Variants in RASGRF2 observed in about 807,000 individuals in gnomAD.
RASGRF2 encodes the protein Ras protein specific guanine nucleotide releasing factor 2.
RASGRF2 carries 76 observed loss-of-function variants against 151.0 expected under a neutral mutation model. The ratio of observed to expected loss-of-function variants is 0.50; its 90% confidence interval spans 0.42 to 0.61. The LOEUF (loss-of-function observed/expected upper bound fraction) is 0.61, where lower values mean the gene tolerates loss of function less well. Among genes scored for constraint, RASGRF2 ranks in the 20% least tolerant of loss-of-function variants. RASGRF2 has a pLI of 0.00. For missense variants in RASGRF2, 1,148 were observed against 1,564.6 expected (o/e 0.73, Z 4.49); for synonymous variants, 504 against 566.5 (o/e 0.89, Z 1.57).
intron 17 of RASGRF2, among the ~76,000 whole-genome samples, chr5:81,129,319 G>A (rs1753553991): frequency 6.6e-6 from 1 of 151,826 alleles, no homozygotes; most frequent in Admixed American, 6.6e-5. Context: ...CAAAGCTTCT[G>A]AACCAATATT....
At chr5:81,201,222 A>G (rs1278723948) in intron 18 of RASGRF2, 108 bp from the exon 19 acceptor site, 1 of 1,462,138 alleles carries the variant, frequency 6.8e-7, no homozygotes, top group African/African-American at 1.4e-5. Context: ...CATACATTTT[A>G]ATTTCCATAC....
intron 1 of RASGRF2, among the ~76,000 whole-genome samples, chr5:80,979,895 C>T (rs1203614624): frequency 1.3e-5 from 2 of 152,150 alleles, no homozygotes. Flanking sequence ...ACCAGCTAAC[C>T]TTTACCCTGG....
intron 2 of RASGRF2, among the ~76,000 whole-genome samples, chr5:81,044,076 T>A (rs1750760341): frequency 6.6e-6 from 1 of 152,200 alleles, no homozygotes. Flanking sequence ...AGCGCATTGC[T>A]AATTATGTAG....
At position 81,073,714 on chromosome 5, in the gene RASGRF2, G is replaced by A. The variant is rs62367444; in HGVS notation, c.887+262G>A. 5.7e-3 allele frequency among the ~76,000 whole-genome samples: 875 copies of A among 152,252 alleles called. 2 individuals carry two copies. Among genetic ancestry groups the A allele is most frequent in the Non-Finnish European group, 6.9e-3 (471 of 68,024 alleles). On this transcript the variant is annotated intron_variant, in intron 5 of 26. Coordinates refer to ENST00000265080, the MANE Select transcript of RASGRF2 (RefSeq NM_006909.3). ...GCTCACTGCCAGCTCCGCCTCCCGGGTTCACGCCATCCTCCTGCCTCAGCC... is the reference window on the plus strand; with the variant it reads ...GCTCACTGCCAGCTCCGCCTCCCGGATTCACGCCATCCTCCTGCCTCAGCC...
rs190990889 is a variant in RASGRF2 at position 81,109,907 on chromosome 5, A to G, written c.1838+829A>G. ...GTATCTTGGACTGTAAAGATTTTCT[A>G]TTAAATCCAACATATCTATAGTACA... On this transcript the variant is annotated intron_variant, in intron 13 of 26. Coordinates refer to ENST00000265080, the MANE Select transcript of RASGRF2 (RefSeq NM_006909.3). Among the ~76,000 whole-genome samples, 8 of 152,356 alleles carry G rather than the reference A, an allele frequency of 5.3e-5. No homozygotes were observed. In the East Asian group the frequency reaches 1.4e-3, roughly 26 times the overall value.
intron 17 of RASGRF2, among the ~76,000 whole-genome samples, chr5:81,169,835 TCACTTGCATCACCTGC>T (rs1754603953): frequency 1.7e-5 from 1 of 59,490 alleles, no homozygotes; most frequent in Admixed American, 2.0e-4. Context: ...ATCACCTGCA[TCACTTGCATCACCTGC>T]ACCACCTGTA....
Position 80,987,030 on chromosome 5 carries a change from T to C in RASGRF2, c.288+26004T>C, listed in dbSNP as rs1561539701. ...TAACAGGCTGTGTGCATTGCTGTTTTCTTTGCTTGAAATGCTCTCCAGCTT... is the reference window on the plus strand; with the variant it reads ...TAACAGGCTGTGTGCATTGCTGTTTCCTTTGCTTGAAATGCTCTCCAGCTT... On this transcript the variant is annotated intron_variant, in intron 1 of 26. Coordinates refer to ENST00000265080, the MANE Select transcript of RASGRF2 (RefSeq NM_006909.3). Among the ~76,000 whole-genome samples, 4 of 152,202 alleles carry C rather than the reference T, an allele frequency of 2.6e-5. No individual in the cohort carries two copies. In the South Asian group the frequency reaches 8.3e-4, roughly 31 times the overall value.
chr5:80,960,632 C>T lies in RASGRF2; in HGVS notation c.-107C>T. On this transcript the variant is annotated 5_prime_UTR_variant, in exon 1 of 27. Coordinates refer to ENST00000265080, the MANE Select transcript of RASGRF2 (RefSeq NM_006909.3). The surrounding 1 kb of genome is among the most constrained non-coding windows in gnomAD (Gnocchi z 5.5). ...CGGCGTGGGGAAAGGGGGCGCCCTT[C>T]GCCGGCCGGGACCTGAGCGGTCGCG... 1 of 1,091,716 alleles carries T rather than the reference C, an allele frequency of 9.2e-7. No individual in the cohort carries two copies. Among genetic ancestry groups the T allele is most frequent in the Non-Finnish European group, 1.2e-6 (1 of 858,292 alleles). The allele number at this position is 1,091,716 out of a possible 1,614,324, so 67.6% of individuals were successfully genotyped here.
chr5:81,057,071 G>GT (rs1468593955), intron 2 of RASGRF2, among the ~76,000 whole-genome samples: 1 of 152,040 alleles, frequency 6.6e-6, no homozygotes, highest in Non-Finnish European at 1.5e-5. Flanking sequence ...ACTGATGCGT[G>GT]TTGACTCTAT....
intron 9 of RASGRF2, chr5:81,088,038 AG>A (rs1398597509): frequency 6.6e-6 from 1 of 152,258 alleles, no homozygotes; most frequent in African/African-American, 2.4e-5. Flanking sequence ...AGTGTATTTT[AG>A]GAAATGATTC....
intron 9 of RASGRF2, among the ~76,000 whole-genome samples, chr5:81,091,444 G>A (rs916848844): frequency 6.6e-6 from 1 of 152,058 alleles, no homozygotes; most frequent in Non-Finnish European, 1.5e-5. Context: ...CCCTCACCCA[G>A]GACTTCTTCC....
chr5:81,216,021 T>A (rs1030649347), intron 24 of RASGRF2, 66 bp downstream of exon 24: 14 of 1,319,780 alleles, frequency 1.1e-5, no homozygotes, highest in Non-Finnish European at 9.8e-7. Context: ...GTATATAGTA[T>A]ACAAACAGTG....
intron 9 of RASGRF2, among the ~76,000 whole-genome samples, chr5:81,089,648 G>A (rs1185836705): frequency 6.6e-6 from 1 of 152,190 alleles, no homozygotes; most frequent in East Asian, 1.9e-4. Flanking sequence ...GTGAGTGTCT[G>A]AGGCAATGAT....
chr5:81,078,739 T>C (rs1172064475), intron 5 of RASGRF2, among the ~76,000 whole-genome samples: 1 of 152,214 alleles, frequency 6.6e-6, no homozygotes, highest in Non-Finnish European at 1.5e-5. Context: ...ACCATCCAGG[T>C]ATCAAAATAT....
At chr5:81,220,560 C>G (rs1755835630) in intron 26 of RASGRF2, among the ~76,000 whole-genome samples, 1 of 152,230 alleles carries the variant, frequency 6.6e-6, no homozygotes, top group South Asian at 2.1e-4. Context: ...TCTTGGCTCA[C>G]TACAAGCTCC....
At chr5:81,043,464 T>C (rs1163049580) in intron 2 of RASGRF2, among the ~76,000 whole-genome samples, 1 of 152,190 alleles carries the variant, frequency 6.6e-6, no homozygotes, top group East Asian at 1.9e-4. Context: ...GCACCTCGGT[T>C]ATCAAAAGAA....
chr5:81,048,313 C>T (rs921029384), intron 2 of RASGRF2, among the ~76,000 whole-genome samples: 1 of 152,096 alleles, frequency 6.6e-6, no homozygotes, highest in African/African-American at 2.4e-5. Flanking sequence ...GAAATTCTGT[C>T]AGGGCTTTGC....
At chr5:81,003,291 C>T (rs1032788561) in intron 1 of RASGRF2, among the ~76,000 whole-genome samples, 5 of 146,902 alleles carry the variant, frequency 3.4e-5, no homozygotes, top group Admixed American at 1.4e-4. Context: ...GGCGCGATCT[C>T]GGCTCACTGC....
At chr5:81,041,828 A>G (rs1229796772) in intron 1 of RASGRF2, among the ~76,000 whole-genome samples, 1 of 152,188 alleles carries the variant, frequency 6.6e-6, no homozygotes, top group Non-Finnish European at 1.5e-5. Flanking sequence ...TCACTGCGTA[A>G]GCTCCCTCAT....
Sources: gnomAD v4.1 joint callset for allele counts (sites outside exome capture counted in the v4.1 genomes callset) on GRCh38, gnomAD v4.1.1 for gene constraint, Gnocchi (gnomAD v3.1) non-coding constraint, MANE v1.5 for transcripts, NCBI Gene and HGNC (gene_info 2026-07-23, HGNC 2026-07-21) for gene names.